AXDND1: variants seen among roughly 807,000 people sequenced by gnomAD.
The protein encoded by AXDND1 is axonemal dynein light chain domain-containing protein 1.
In AXDND1, 110 loss-of-function variants were observed where a neutral mutation model predicts 137.5. The observed-to-expected ratio is 0.80, with a 90% CI of 0.69 to 0.94. AXDND1 has a LOEUF of 0.94. Ranked by LOEUF, AXDND1 falls within the 40% of genes least tolerant of loss-of-function variation. The probability of loss-of-function intolerance (pLI) is 0.00; values close to 1 mark genes in which losing one functional copy is unlikely to be tolerated. For missense variants in AXDND1, 1,191 were observed against 1,169.8 expected, an observed-to-expected ratio of 1.02 and a Z score of -0.26; for synonymous variants, 414 against 399.7, an observed-to-expected ratio of 1.04 and a Z score of -0.43.
chr1:179,384,535 A>G (rs150667958), intron 8 of AXDND1, among the ~76,000 whole-genome samples: 12 of 152,244 alleles, frequency 7.9e-5, no homozygotes, highest in Admixed American at 5.9e-4. Flanking sequence ...TAGTTCTTTT[A>G]GTTGTCATGT....
intron 11 of AXDND1, among the ~76,000 whole-genome samples, chr1:179,400,918 A>G (rs1458527954): frequency 1.4e-5 from 2 of 147,496 alleles, no homozygotes; most frequent in African/African-American, 2.5e-5. Flanking sequence ...AAAAAAAAAA[A>G]AAAAAAAAAG....
chr1:179,538,352 C>T (rs1671763142), intron 25 of AXDND1, among the ~76,000 whole-genome samples: 1 of 152,196 alleles, frequency 6.6e-6, no homozygotes, highest in Non-Finnish European at 1.5e-5. Context: ...TCCCTCTACA[C>T]ACTGCTTTAA....
intron 16 of AXDND1, chr1:179,451,542 T>C (rs2125397728): frequency 6.6e-6 from 1 of 152,308 alleles, no homozygotes; most frequent in East Asian, 1.9e-4. Flanking sequence ...TTTTCTATTC[T>C]CTATTAATTT....
chr1:179,523,850 T>A (rs1446506388), intron 21 of AXDND1, among the ~76,000 whole-genome samples: 1 of 152,124 alleles, frequency 6.6e-6, no homozygotes, highest in African/African-American at 2.4e-5. Context: ...TAGTCTTTTA[T>A]CCCTCCTCAC....
At chr1:179,465,838 A>G (rs537706499) in intron 16 of AXDND1, among the ~76,000 whole-genome samples, 112 of 152,022 alleles carry the variant, frequency 7.4e-4, no homozygotes, top group African/African-American at 2.5e-3. Context: ...CCCCTCCCCC[A>G]GCCTCGCTGC....
intron 4 of AXDND1, among the ~76,000 whole-genome samples, chr1:179,376,534 C>T (rs1409414783): frequency 1.3e-5 from 2 of 152,162 alleles, no homozygotes; most frequent in African/African-American, 4.8e-5. Flanking sequence ...TGTCTCAGGA[C>T]CTATGCATAT....
At position 179,551,377 on chromosome 1, in the gene AXDND1, A is replaced by G; in HGVS notation, c.3032-3135A>G. 1 of 1,614,000 alleles carries G rather than the reference A, an allele frequency of 6.2e-7. No homozygotes were observed. The highest frequency in any genetic ancestry group is 8.5e-7 in the Non-Finnish European group (1 of 1,179,878). On this transcript the variant is annotated intron_variant, in intron 25 of 25. Coordinates refer to ENST00000367618, the MANE Select transcript of AXDND1 (RefSeq NM_144696.6). ...GGAGGTATCGAAGCTGAACGGCAGC[A>G]GGGGTGCCTGACAGAATCTCAGCTG...
At chr1:179,432,397 A>G (rs1000297951) in intron 15 of AXDND1, 55 bp downstream of exon 15, 6 of 1,481,278 alleles carry the variant, frequency 4.1e-6, no homozygotes, top group African/African-American at 1.4e-5. Flanking sequence ...TAAACTTGGC[A>G]TTCCGGACCT....
chr1:179,512,516 T>A (rs1669152676), intron 21 of AXDND1, among the ~76,000 whole-genome samples: 1 of 152,238 alleles, frequency 6.6e-6, no homozygotes, highest in Non-Finnish European at 1.5e-5. Flanking sequence ...AGATTTGTTC[T>A]TCATGCTTAG....
At chr1:179,455,411 T>G (rs112738030) in intron 16 of AXDND1, 9,019 of 149,904 alleles carry the variant, frequency 0.06, 906 homozygotes, top group African/African-American at 0.21. Flanking sequence ...GCTAACACCG[T>G]GAAATTCCGT....
intron 16 of AXDND1, among the ~76,000 whole-genome samples, chr1:179,466,425 T>C (rs1297575559): frequency 6.6e-6 from 1 of 151,492 alleles, no homozygotes; most frequent in Non-Finnish European, 1.5e-5. Context: ...GCGCTGGGCC[T>C]TAATGGTTAT....
chr1:179,412,125 AC>A (rs1234911118), intron 12 of AXDND1, among the ~76,000 whole-genome samples: 1 of 152,190 alleles, frequency 6.6e-6, no homozygotes, highest in African/African-American at 2.4e-5. Context: ...TGCTGGGATT[AC>A]ATGCATGAGC....
intron 17 of AXDND1, among the ~76,000 whole-genome samples, chr1:179,477,752 T>C (rs1020917275): frequency 6.6e-6 from 1 of 151,946 alleles, no homozygotes; most frequent in Non-Finnish European, 1.5e-5. Flanking sequence ...TCCCCAGAAG[T>C]CTTAACTCAT....
chr1:179,521,069 C>T (rs753665396), intron 21 of AXDND1, among the ~76,000 whole-genome samples: 11 of 151,938 alleles, frequency 7.2e-5, no homozygotes, highest in Non-Finnish European at 1.3e-4. Flanking sequence ...TCAAGAAGTC[C>T]TCCCACCTCA....
intron 16 of AXDND1, among the ~76,000 whole-genome samples, chr1:179,464,855 T>C (rs1187561722): frequency 6.6e-6 from 1 of 152,234 alleles, no homozygotes; most frequent in East Asian, 1.9e-4. Context: ...TTGCTTCATT[T>C]CATTCATTCG....
intron 17 of AXDND1, among the ~76,000 whole-genome samples, chr1:179,481,885 G>C (rs1665438369): frequency 6.6e-6 from 1 of 152,098 alleles, no homozygotes; most frequent in Non-Finnish European, 1.5e-5. Context: ...GTTTGATCTT[G>C]TTCTGAACTC....
chr1:179,450,622 A>G (rs538340491), intron 16 of AXDND1: 1 of 152,330 alleles, frequency 6.6e-6, no homozygotes, highest in Non-Finnish European at 1.5e-5. Flanking sequence ...TCAGTAGGAT[A>G]TATTACATTG....
At chr1:179,447,575 G>C in intron 16 of AXDND1, 1 of 992,902 alleles carries the variant, frequency 1.0e-6, no homozygotes, top group Non-Finnish European at 1.5e-6. Flanking sequence ...AAAGAATGAA[G>C]TTGAAGAAAG....
At chr1:179,378,580 T>G in intron 4 of AXDND1, 57 bp from the exon 5 acceptor site, 1 of 1,332,146 alleles carries the variant, frequency 7.5e-7, no homozygotes, top group Non-Finnish European at 1.0e-6. Flanking sequence ...TCACCTGCTG[T>G]TATGTGGTAT....
Sources: allele counts gnomAD v4.1 joint callset (sites outside exome capture counted in the v4.1 genomes callset), GRCh38; gene constraint gnomAD v4.1.1; transcripts MANE v1.5; gene names NCBI Gene and HGNC (gene_info 2026-07-23, HGNC 2026-07-21).